SAMD3: variants seen among roughly 807,000 people sequenced by gnomAD.
SAMD3 encodes the protein sterile alpha motif domain-containing protein 3.
Under a neutral mutation model 58.5 loss-of-function variants are expected in SAMD3, and 63 were observed. That is an observed-to-expected ratio of 1.08 (90% CI 0.88 to 1.33). The LOEUF is 1.33. Among genes scored for constraint, SAMD3 ranks in the 40% most tolerant of loss-of-function variants. The probability of loss-of-function intolerance (pLI) is 0.00; values close to 1 mark genes in which losing one functional copy is unlikely to be tolerated. For missense variants in SAMD3, 604 were observed against 608.4 expected (o/e 0.99, Z 0.08); for synonymous variants, 220 against 210.3 (o/e 1.05, Z -0.40).
At chr6:130,206,542 C>T (rs1795098146) in intron 5 of SAMD3, among the ~76,000 whole-genome samples, 1 of 152,150 alleles carries the variant, frequency 6.6e-6, no homozygotes, top group Non-Finnish European at 1.5e-5. Context: ...CAATAAACTC[C>T]CTTTGTCTTT....
At chr6:130,190,082 G>A (rs539383391) in intron 5 of SAMD3, among the ~76,000 whole-genome samples, 82 of 152,310 alleles carry the variant, frequency 5.4e-4, no homozygotes, top group African/African-American at 1.6e-3. Flanking sequence ...CACAATCTGT[G>A]TATAAACTGT....
rs1272073542 is a variant in SAMD3, at chr6:130,332,786, C to T, written c.-303-19693G>A. 2.6e-5 allele frequency among the ~76,000 whole-genome samples: 4 copies of T among 151,976 alleles called. No individual in the cohort carries two copies. The South Asian group carries it at 6.2e-4, about 24-fold the overall frequency. ...AATTAGCTGAGGGAACCCTAGGTCC[C>T]GAGAGGCTGTTTGTGGTTGTTTTAT... On this transcript the variant is annotated intron_variant, in intron 1 of 13. Transcript: ENST00000368134.
At chr6:130,307,955 G>A (rs1775964721) in intron 2 of SAMD3, among the ~76,000 whole-genome samples, 1 of 152,184 alleles carries the variant, frequency 6.6e-6, no homozygotes, top group African/African-American at 2.4e-5. Context: ...GGCCAAACAT[G>A]AGCCAGAAGA....
At chr6:130,224,265 A>G (rs1409854660), upstream of SAMD3, among the ~76,000 whole-genome samples, 2 of 152,072 alleles carry the variant, frequency 1.3e-5, no homozygotes, top group African/African-American at 4.8e-5. Context: ...TTTTATAGGC[A>G]GAGGATGGGG....
At chr6:130,353,892 G>A (rs1777751280) in intron 1 of SAMD3, among the ~76,000 whole-genome samples, 1 of 151,990 alleles carries the variant, frequency 6.6e-6, no homozygotes, top group Non-Finnish European at 1.5e-5. Flanking sequence ...ACAATCTACA[G>A]AAGAGTAGAA....
At chr6:130,309,400 A>G (rs1021186922) in intron 2 of SAMD3, among the ~76,000 whole-genome samples, 6 of 152,226 alleles carry the variant, frequency 3.9e-5, no homozygotes, top group Admixed American at 2.0e-4. Context: ...AGCAGATCAG[A>G]TGGTATTATA....
chr6:130,305,290 C>G (rs1019265312), intron 2 of SAMD3, among the ~76,000 whole-genome samples: 4 of 152,248 alleles, frequency 2.6e-5, no homozygotes, highest in Admixed American at 2.6e-4. Flanking sequence ...CTGCTAAACT[C>G]TTATATATCC....
At chr6:130,147,389 C>T (rs899949746) in intron 9 of SAMD3, among the ~76,000 whole-genome samples, 6 of 152,124 alleles carry the variant, frequency 3.9e-5, no homozygotes, top group African/African-American at 1.2e-4. Flanking sequence ...AGATTAATAC[C>T]GTTAGAAAAC....
At chr6:130,298,721 C>T (rs1371426409) in intron 2 of SAMD3, among the ~76,000 whole-genome samples, 2 of 152,064 alleles carry the variant, frequency 1.3e-5, no homozygotes, top group Non-Finnish European at 2.9e-5. Flanking sequence ...AAGCTTCCAC[C>T]GCCTTCAAGA....
chr6:130,288,796 T>C (rs868508018), intron 2 of SAMD3, among the ~76,000 whole-genome samples: 5 of 152,224 alleles, frequency 3.3e-5, no homozygotes, highest in African/African-American at 9.6e-5. Context: ...TGAAATAGAC[T>C]GAGACTGCTG....
intron 5 of SAMD3, among the ~76,000 whole-genome samples, chr6:130,202,281 A>G (rs1219139043): frequency 6.6e-6 from 1 of 152,212 alleles, no homozygotes; most frequent in Non-Finnish European, 1.5e-5. Context: ...CCTCCTGTAC[A>G]TTGACACATA....
chr6:130,188,744 G>A (rs987655377), intron 5 of SAMD3, among the ~76,000 whole-genome samples: 7 of 152,068 alleles, frequency 4.6e-5, no homozygotes, highest in African/African-American at 1.7e-4. Context: ...TAGTGTTATT[G>A]ACTACTTCCT....
chr6:130,236,880 T>G (rs1311053035), intron 2 of SAMD3, among the ~76,000 whole-genome samples: 1 of 152,220 alleles, frequency 6.6e-6, no homozygotes, highest in African/African-American at 2.4e-5. Flanking sequence ...TTTTGAAAGA[T>G]TTTTCCCTTG....
chr6:130,309,481 G>GGA (rs1776066692), intron 2 of SAMD3, among the ~76,000 whole-genome samples: 1 of 152,106 alleles, frequency 6.6e-6, no homozygotes, highest in South Asian at 2.1e-4. Context: ...TATTGTTGTT[G>GGA]CTTTTAAGTC....
At chr6:130,213,035 C>A (rs185768870) in intron 4 of SAMD3, among the ~76,000 whole-genome samples, 1 of 152,142 alleles carries the variant, frequency 6.6e-6, no homozygotes, top group African/African-American at 2.4e-5. Flanking sequence ...GTAATCCCAG[C>A]GCTTTAGGAG....
At chr6:130,360,992 C>T (rs559391885) in intron 1 of SAMD3, among the ~76,000 whole-genome samples, 241 of 152,274 alleles carry the variant, frequency 1.6e-3, no homozygotes, top group African/African-American at 5.5e-3. Flanking sequence ...TGAACAATTG[C>T]TGTTATACTG....
At chr6:130,314,293 A>G (rs749263524) in intron 1 of SAMD3, among the ~76,000 whole-genome samples, 1 of 152,224 alleles carries the variant, frequency 6.6e-6, no homozygotes, top group South Asian at 2.1e-4. Context: ...TGAAACTAAC[A>G]ATATAGCCCT....
rs530542220 is a variant in SAMD3, at chr6:130,349,244, G to A, written c.-304+15876C>T. Among the ~76,000 whole-genome samples the A allele has an allele frequency of 4.0e-4, 61 of 152,242 alleles. 1 individual carries two copies. The Middle Eastern group carries it at 0.01, about 25-fold the overall frequency. ...AACTAAGATCAGAGCAGAACTGAAG[G>A]AAATAGAGACACAAAAAACCCTTCA... On this transcript the variant is annotated intron_variant, in intron 1 of 13. Transcript: ENST00000368134.
intron 2 of SAMD3, among the ~76,000 whole-genome samples, chr6:130,232,867 T>C (rs1172196677): frequency 2.0e-5 from 3 of 152,112 alleles, no homozygotes; most frequent in East Asian, 3.9e-4. Flanking sequence ...ATGAAAAAAT[T>C]ACAATATTTT....
Sources: gnomAD v4.1 joint callset for allele counts (sites outside exome capture counted in the v4.1 genomes callset) on GRCh38, gnomAD v4.1.1 for gene constraint, MANE v1.5 for transcripts, NCBI Gene and HGNC (gene_info 2026-07-23, HGNC 2026-07-21) for gene names.